The following PKHD1L1 variants were observed in gnomAD, a reference collection of about 807,000 sequenced individuals.
PKHD1L1 encodes fibrocystin-L.
A neutral mutation model predicts 462.9 loss-of-function variants in PKHD1L1; 434 were observed. That is an observed-to-expected ratio of 0.94 (90% CI 0.87 to 1.02). The LOEUF (loss-of-function observed/expected upper bound fraction) is 1.02. Ranked by LOEUF, PKHD1L1 falls within the 50% of genes least tolerant of loss-of-function variation. The pLI, the probability that PKHD1L1 is intolerant of heterozygous loss-of-function variation, is 0.00. For synonymous variants in PKHD1L1, 1,781 were observed against 1,750.0 expected, an observed-to-expected ratio of 1.02 and a Z score of -0.44; for missense variants, 5,202 against 5,096.1, an observed-to-expected ratio of 1.02 and a Z score of -0.63.
intron 30 of PKHD1L1, 86 bp downstream of exon 30, chr8:109,436,545 A>G: frequency 1.3e-6 from 2 of 1,548,876 alleles, no homozygotes; most frequent in Non-Finnish European, 1.7e-6. Context: ...GGGGGGTGAA[A>G]CAAGTGGTGT....
rs763621108 is a variant in PKHD1L1 at position 109,483,032 on chromosome 8, A to G, written c.9503A>G (p.Tyr3168Cys). Reference sequence around the variant, plus strand: ...CTTCATGGAATTCCACATTCAATATATAAAACTAAGCTCTCAGAAACTGCA... The same window carrying G: ...CTTCATGGAATTCCACATTCAATATGTAAAACTAAGCTCTCAGAAACTGCA... The part of the protein sequence containing the change: ...LDLHGIPHSI[Y>C]KTKLSETAFA... The change falls in exon 57 of 78, where the codon TAT (tyrosine) becomes TGT (cysteine). Residue 3168 changes from tyrosine to cysteine, a missense_variant. By Grantham distance (194) the Tyr-to-Cys change is radical. This residue lies in a region of PKHD1L1 where 4,497 missense variants were observed against 4,336.8 expected (regional missense o/e 1.04). Transcript: ENST00000378402. 3.7e-6 allele frequency: 6 copies of G among 1,600,040 alleles called. No homozygotes were observed. The Admixed American group carries it at 8.7e-5, about 23-fold the overall frequency.
chr8:109,464,424 G>T lies in PKHD1L1; in HGVS notation c.7592G>T (p.Gly2531Val), dbSNP rs777131230. Reference protein sequence around the residue: ...IKGGAFFIEDGIEHGNILQYN... With the variant: ...IKGGAFFIEDVIEHGNILQYN... ...GGAGGAGCATTTTTTATAGAAGATGGTATTGAACATGGCAATATCCTCCAG... is the reference window on the plus strand; with the variant it reads ...GGAGGAGCATTTTTTATAGAAGATGTTATTGAACATGGCAATATCCTCCAG... Residue 2531 changes from glycine to valine, a missense_variant, in exon 49 of 78, where the codon GGT becomes GTT. Physicochemically the swap from Gly to Val is moderately radical, Grantham distance 109. Around this residue, in one of 3 missense-constraint regions of PKHD1L1, gnomAD observed 4,497 missense variants for 4,336.8 expected, o/e 1.04. Coordinates refer to ENST00000378402, the MANE Select transcript of PKHD1L1 (RefSeq NM_177531.6). The T allele has an allele frequency of 1.2e-6, 2 of 1,613,428 alleles. No homozygotes were observed.
In PKHD1L1 at chr8:109,460,480, C is replaced by T. The variant is rs183622711; in HGVS notation, c.7246+644C>T. Among the ~76,000 whole-genome samples, 47 of 152,154 alleles carry T rather than the reference C, an allele frequency of 3.1e-4. No homozygotes were observed. The East Asian group carries it at 9.1e-3, about 29-fold the overall frequency. ...CTGAGCCAGTGGGGGTAGGCTAAGT[C>T]CGAGTTTTTCAAAGTCAGCTCTGTT... On this transcript the variant is annotated intron_variant, in intron 47 of 77. Transcript: ENST00000378402.
intron 18 of PKHD1L1, among the ~76,000 whole-genome samples, chr8:109,408,879 C>A (rs1289358701): frequency 1.3e-5 from 2 of 152,090 alleles, no homozygotes; most frequent in African/African-American, 4.8e-5. Context: ...AGGTTGGAGC[C>A]TACCCGTAGT....
intron 57 of PKHD1L1, among the ~76,000 whole-genome samples, chr8:109,483,412 T>C (rs988760195): frequency 1.0e-4 from 15 of 149,386 alleles, no homozygotes; most frequent in African/African-American, 3.4e-4. Flanking sequence ...TATATGACTA[T>C]AGATTAGTCA....
chr8:109,440,642 C>T (rs1442552576), intron 32 of PKHD1L1, 68 bp from the exon 33 acceptor site: 16 of 1,429,680 alleles, frequency 1.1e-5, no homozygotes, highest in Non-Finnish European at 1.4e-5. Flanking sequence ...AAGTCATATC[C>T]TAGCAAGAGT....
intron 30 of PKHD1L1, among the ~76,000 whole-genome samples, chr8:109,437,324 A>C (rs1430392267): frequency 6.6e-6 from 1 of 152,178 alleles, no homozygotes; most frequent in East Asian, 1.9e-4. Context: ...ATCAATCATT[A>C]TTCTTTATTT....
intron 46 of PKHD1L1, among the ~76,000 whole-genome samples, chr8:109,456,674 T>A (rs1222198611): frequency 6.6e-6 from 1 of 152,186 alleles, no homozygotes; most frequent in Admixed American, 6.5e-5. Context: ...TTGGCTCCCA[T>A]GTAAGAATCT....
rs1446452559 is a variant in PKHD1L1 at position 109,425,239 on chromosome 8, G to T, written c.2845+7G>T. 1 of 1,562,354 alleles carries T rather than the reference G, an allele frequency of 6.4e-7. No homozygotes were observed. The highest frequency in any genetic ancestry group is 2.1e-5 in the Admixed American group (1 of 48,634). ...TATGGACATATTCTTAAAGGTATAT[G>T]AAAAAAATTTAAAATATTGGTGTAT... is the stretch of plus-strand genomic sequence containing the variant. On this transcript the variant is annotated splice_region_variant and intron_variant, in intron 24 of 77. Coordinates refer to ENST00000378402, the MANE Select transcript of PKHD1L1 (RefSeq NM_177531.6).
chr8:109,413,385 T>C, intron 20 of PKHD1L1, 36 bp from the exon 21 acceptor site: 1 of 1,362,932 alleles, frequency 7.3e-7, no homozygotes, highest in Non-Finnish European at 9.9e-7. Context: ...GTAATGGTAA[T>C]ATATTGTTAC....
chr8:109,398,722 G>T (rs1813101066), intron 12 of PKHD1L1, among the ~76,000 whole-genome samples, 174 bp downstream of exon 12: 1 of 151,912 alleles, frequency 6.6e-6, no homozygotes, highest in African/African-American at 2.4e-5. Flanking sequence ...TATTAAAATA[G>T]CTGCCACAAA....
chr8:109,475,260 T>C lies in PKHD1L1; in HGVS notation c.8748T>C (p.Tyr2916=). The change falls in exon 51 of 78, where the codon TAT becomes TAC. Residue 2916 remains tyrosine, a synonymous_variant. Coordinates refer to ENST00000378402, the MANE Select transcript of PKHD1L1 (RefSeq NM_177531.6). ...ITNISYTSTF[Y]GFKEEDYVII... Reference sequence around the variant, plus strand: ...ACATTTCATATACATCGACATTCTATGGATTCAAGGTAAAAATATTTATCT... The same window carrying C: ...ACATTTCATATACATCGACATTCTACGGATTCAAGGTAAAAATATTTATCT... The C allele has an allele frequency of 6.2e-7, 1 of 1,604,220 alleles. No individual in the cohort carries two copies. The highest frequency in any genetic ancestry group is 8.5e-7 in the Non-Finnish European group (1 of 1,173,802).
At chr8:109,386,485 C>T (rs896718996) in intron 6 of PKHD1L1, among the ~76,000 whole-genome samples, 3 of 152,104 alleles carry the variant, frequency 2.0e-5, no homozygotes, top group Admixed American at 6.6e-5. Flanking sequence ...TATACACACA[C>T]ATACAAATAC....
chr8:109,489,109 A>G (rs1818698521), intron 59 of PKHD1L1, among the ~76,000 whole-genome samples: 1 of 151,950 alleles, frequency 6.6e-6, no homozygotes, highest in Non-Finnish European at 1.5e-5. Context: ...AATTATTCAT[A>G]TCTTCTCAAC....
At chr8:109,525,635 C>A (rs952098144) in intron 76 of PKHD1L1, among the ~76,000 whole-genome samples, 1 of 152,068 alleles carries the variant, frequency 6.6e-6, no homozygotes, top group Middle Eastern at 3.2e-3. Context: ...TTCCATAAGG[C>A]TAGCTTGGGC....
chr8:109,452,434 C>A (rs1816580172), intron 42 of PKHD1L1, among the ~76,000 whole-genome samples, 154 bp downstream of exon 42: 1 of 151,804 alleles, frequency 6.6e-6, no homozygotes, highest in African/African-American at 2.4e-5. Flanking sequence ...TTTTTTGTTG[C>A]TTTTCCTAAA....
chr8:109,408,244 G>A (rs1218854599), intron 18 of PKHD1L1, 38 bp downstream of exon 18: 17 of 1,567,146 alleles, frequency 1.1e-5, no homozygotes, highest in Non-Finnish European at 1.5e-5. Flanking sequence ...CATTTTCCCT[G>A]CACCCTCTCA....
intron 6 of PKHD1L1, 77 bp from the exon 7 acceptor site, chr8:109,388,420 A>G (rs1395447706): frequency 2.0e-6 from 2 of 1,002,088 alleles, no homozygotes; most frequent in East Asian, 2.6e-5. Flanking sequence ...GGAACCAGTG[A>G]GTTGATGGGA....
chr8:109,487,430 T>TCCTC (rs202032081), intron 59 of PKHD1L1, among the ~76,000 whole-genome samples: 17 of 151,018 alleles, frequency 1.1e-4, no homozygotes, highest in East Asian at 3.9e-4. Context: ...TTCCCCAGTA[T>TCCTC]CCTCCCTCCC....
Sources: allele counts gnomAD v4.1 joint callset (sites outside exome capture counted in the v4.1 genomes callset), GRCh38; gene constraint gnomAD v4.1.1; regional missense constraint gnomAD v4.1.1; transcripts MANE v1.5; gene names NCBI Gene and HGNC (gene_info 2026-07-23, HGNC 2026-07-21).